RASGEF1A: variants seen among roughly 807,000 people sequenced by gnomAD.
RASGEF1A encodes ras-GEF domain-containing family member 1A.
A neutral mutation model predicts 56.4 loss-of-function variants in RASGEF1A; 18 were observed. The observed-to-expected ratio is 0.32, with a 90% CI of 0.22 to 0.47. The LOEUF (loss-of-function observed/expected upper bound fraction) is 0.47. Among genes scored for constraint, RASGEF1A ranks in the 20% least tolerant of loss-of-function variants. The pLI, the probability that RASGEF1A is intolerant of heterozygous loss-of-function variation, is 1.00. For missense variants in RASGEF1A, 422 were observed against 627.1 expected (o/e 0.67, Z 3.49); for synonymous variants, 245 against 242.6 (o/e 1.01, Z -0.09).
chr10:43,229,359 A>T (rs907620535), intron 1 of RASGEF1A, among the ~76,000 whole-genome samples: 7 of 151,470 alleles, frequency 4.6e-5, no homozygotes, highest in African/African-American at 1.7e-4. Context: ...GGGCTCCTAC[A>T]CGCCCGTCCC....
At chr10:43,248,535 A>C (rs1840592213) in intron 1 of RASGEF1A, among the ~76,000 whole-genome samples, 1 of 152,188 alleles carries the variant, frequency 6.6e-6, no homozygotes, top group South Asian at 2.1e-4. Flanking sequence ...ACATCCCACT[A>C]CCAGGACAGC....
intron 1 of RASGEF1A, among the ~76,000 whole-genome samples, chr10:43,214,626 T>A (rs1955356): frequency 0.75 from 113,731 of 152,044 alleles, 42,789 homozygotes; most frequent in East Asian, 0.96. Context: ...GCACAGCTGG[T>A]CAGGAACAGG....
At position 43,195,607 on chromosome 10, in the gene RASGEF1A, C is replaced by T. The variant is rs1205133235; in HGVS notation, c.*637G>A. 6.5e-6 allele frequency: 1 copy of T among 152,682 alleles called. No homozygotes were observed. Among genetic ancestry groups the T allele is most frequent in the Non-Finnish European group, 1.5e-5 (1 of 68,064 alleles). The allele number at this position is 152,682 out of a possible 1,614,324, so 9.5% of individuals were successfully genotyped here. A position where few individuals can be genotyped will look rare whatever the true frequency, so the allele number is the denominator to read the frequency against. ...AATATGCTGCCAGGTGCCCCCTGCCCCTCCCTGACCCCACAAATCCCTGAA... is the reference window on the plus strand; with the variant it reads ...AATATGCTGCCAGGTGCCCCCTGCCTCTCCCTGACCCCACAAATCCCTGAA... On this transcript the variant is annotated 3_prime_UTR_variant, in exon 13 of 13. Transcript: ENST00000395810. This position sits in a 1 kb window ranked among gnomAD's most constrained non-coding sequence, Gnocchi z 4.2.
chr10:43,226,501 T>G (rs1461057599), intron 1 of RASGEF1A, among the ~76,000 whole-genome samples: 1 of 151,520 alleles, frequency 6.6e-6, no homozygotes, highest in African/African-American at 2.4e-5. Flanking sequence ...GCCATCCTCC[T>G]CCGAGATCCA....
rs542134651 is a variant in RASGEF1A at position 43,209,265 on chromosome 10, C to G, written c.-6-3143G>C. 2.0e-5 allele frequency: 19 copies of G among 961,450 alleles called. No homozygotes were observed. In the East Asian group the frequency reaches 1.3e-3, roughly 64 times the overall value. 59.6% of individuals were successfully genotyped at this position (961,450 alleles called of 1,614,324 possible). A position where few individuals can be genotyped will look rare whatever the true frequency, so the allele number is the denominator to read the frequency against. ...TCCCAGTTACTCTTCCCAGTCACCC[C>G]CTATGCTCCCAGAGAACCCGTTATT... is the stretch of plus-strand genomic sequence containing the variant. On this transcript the variant is annotated intron_variant, in intron 1 of 12. Transcript: ENST00000395810.
Position 43,196,688 on chromosome 10 carries a change from G to A in RASGEF1A, c.1349-140C>T. The A allele has an allele frequency of 1.2e-6, 1 of 834,888 alleles. No homozygotes were observed. Among genetic ancestry groups the A allele is most frequent in the Non-Finnish European group, 1.9e-6 (1 of 519,612 alleles). The allele number at this position is 834,888 out of a possible 1,614,324, so 51.7% of individuals were successfully genotyped here. ...TGAACACAGTTCTCTGCTGTGCGGG[G>A]CTCTCAGGCTGCCTGTTGGGGACTC... On this transcript the variant is annotated intron_variant, in intron 11 of 12. Coordinates refer to ENST00000395810, the MANE Select transcript of RASGEF1A (RefSeq NM_145313.4). The surrounding 1 kb of genome is among the most constrained non-coding windows in gnomAD (Gnocchi z 4.6).
At chr10:43,203,588 T>TA in intron 2 of RASGEF1A, 168 bp from the exon 3 acceptor site, 3 of 1,263,052 alleles carry the variant, frequency 2.4e-6, no homozygotes, top group East Asian at 3.2e-5. Context: ...TTCCTCCTCT[T>TA]ACTGCTACCC....
In RASGEF1A at chr10:43,196,964, G is replaced by A; in HGVS notation, c.1348+12C>T. The stretch of plus-strand genomic sequence containing the variant: ...GGGTGGGAGGCATGCTGCGTTGGGA[G>A]GCAGCCCTCACCTTCCTCGCTGTAG... On this transcript the variant is annotated intron_variant, in intron 11 of 12. Transcript: ENST00000395810. This position sits in a 1 kb window ranked among gnomAD's most constrained non-coding sequence, Gnocchi z 4.6. The A allele has an allele frequency of 1.9e-6, 3 of 1,612,474 alleles. No homozygotes were observed. The highest frequency in any genetic ancestry group is 2.5e-6 in the Non-Finnish European group (3 of 1,179,776).
chr10:43,202,386 G>C (rs1431630571), intron 3 of RASGEF1A, among the ~76,000 whole-genome samples: 1 of 152,166 alleles, frequency 6.6e-6, no homozygotes, highest in African/African-American at 2.4e-5. Flanking sequence ...CCGCGCCCTA[G>C]TCCACAGGCA....
intron 6 of RASGEF1A, 50 bp from the exon 7 acceptor site, chr10:43,199,818 C>T: frequency 6.8e-7 from 1 of 1,469,886 alleles, no homozygotes; most frequent in Non-Finnish European, 9.5e-7. Flanking sequence ...CATGGCTGGA[C>T]AACTTAGTCC....
intron 1 of RASGEF1A, among the ~76,000 whole-genome samples, chr10:43,243,623 C>T (rs1230091120): frequency 1.3e-5 from 2 of 151,288 alleles, no homozygotes; most frequent in African/African-American, 4.9e-5. Context: ...AGGGGCGTCT[C>T]TGCCTGGCTG....
intron 10 of RASGEF1A, among the ~76,000 whole-genome samples, 161 bp from the exon 11 acceptor site, chr10:43,197,260 C>T (rs1022618567): frequency 1.3e-5 from 2 of 152,190 alleles, no homozygotes; most frequent in Non-Finnish European, 2.9e-5. Flanking sequence ...GCCATGGTGG[C>T]ACGCCATGCA....
chr10:43,213,871 A>T (rs577122081), intron 1 of RASGEF1A, among the ~76,000 whole-genome samples: 85 of 152,186 alleles, frequency 5.6e-4, no homozygotes, highest in Non-Finnish European at 1.1e-3. Context: ...GCCTCAAGTG[A>T]TCTGCCCGCC....
chr10:43,243,658 C>T lies in RASGEF1A; in HGVS notation c.-7+23187G>A, dbSNP rs575391284. 2.7e-5 allele frequency among the ~76,000 whole-genome samples: 4 copies of T among 149,432 alleles called. No homozygotes were observed. The South Asian group carries it at 8.5e-4, about 32-fold the overall frequency. ...GCCCCGCCTGGGAAGTGAGGAGCGC[C>T]TCTGCCCGGCCGCTCTTCGTCTGGG... On this transcript the variant is annotated intron_variant, in intron 1 of 12. Coordinates refer to ENST00000395810, the MANE Select transcript of RASGEF1A (RefSeq NM_145313.4).
rs1193762733 is a variant in RASGEF1A, at chr10:43,196,824, CCTCATGCACA to C, written c.1348+142_1348+151del. On this transcript the variant is annotated intron_variant, in intron 11 of 12. Coordinates refer to ENST00000395810, the MANE Select transcript of RASGEF1A (RefSeq NM_145313.4). This position sits in a 1 kb window ranked among gnomAD's most constrained non-coding sequence, Gnocchi z 4.6. ...CTCTTCCATCCATCCCATGACCCAC[CCTCATGCACA>C]CTCGCCCCTGCGAGCAGAGCCAGCC... 1 of 947,080 alleles carries C rather than the reference CCTCATGCACA, an allele frequency of 1.1e-6. No homozygotes were observed. The highest frequency in any genetic ancestry group is 1.6e-6 in the Non-Finnish European group (1 of 643,794). 58.7% of individuals were successfully genotyped at this position (947,080 alleles called of 1,614,324 possible).
chr10:43,199,650 C>A, intron 7 of RASGEF1A, 26 bp downstream of exon 7: 1 of 1,579,318 alleles, frequency 6.3e-7, no homozygotes, highest in Middle Eastern at 1.7e-4. Flanking sequence ...GGCAGCCACC[C>A]CACCATGTCT....
chr10:43,257,462 C>T (rs1022340840), intron 1 of RASGEF1A, among the ~76,000 whole-genome samples: 1 of 152,218 alleles, frequency 6.6e-6, no homozygotes, highest in Non-Finnish European at 1.5e-5. Flanking sequence ...GATTCTGGGA[C>T]TGGGCCTGCC....
intron 1 of RASGEF1A, among the ~76,000 whole-genome samples, chr10:43,225,260 G>GT (rs1213373077): frequency 2.2e-5 from 2 of 92,178 alleles, no homozygotes; most frequent in African/African-American, 8.8e-5. Context: ...GGGTCTGTGG[G>GT]GGGGGGGTCT....
At chr10:43,236,391 G>A (rs753572380) in intron 1 of RASGEF1A, among the ~76,000 whole-genome samples, 6 of 152,240 alleles carry the variant, frequency 3.9e-5, no homozygotes, top group Non-Finnish European at 8.8e-5. Flanking sequence ...GTATGCACAT[G>A]TGTGCTTTCT....
Sources: allele counts gnomAD v4.1 joint callset (sites outside exome capture counted in the v4.1 genomes callset), GRCh38; gene constraint gnomAD v4.1.1; non-coding constraint Gnocchi (gnomAD v3.1); transcripts MANE v1.5; gene names NCBI Gene and HGNC (gene_info 2026-07-23, HGNC 2026-07-21).